Variants in KIF26A observed in about 807,000 individuals in gnomAD.
KIF26A encodes kinesin family member 26A, also known as kinesin-like protein KIF26A.
Under a neutral mutation model 126.0 loss-of-function variants are expected in KIF26A, and 74 were observed. That is an observed-to-expected ratio of 0.59 (90% CI 0.49 to 0.71). The LOEUF is 0.71. KIF26A is among the 30% of genes least tolerant of loss of function. The pLI, the probability that KIF26A is intolerant of heterozygous loss-of-function variation, is 0.00. For missense variants in KIF26A, 2,984 were observed against 2,763.3 expected, an observed-to-expected ratio of 1.08 and a Z score of -1.79; for synonymous variants, 1,445 against 1,232.7, an observed-to-expected ratio of 1.17 and a Z score of -3.61.
chr14:104,158,106 G>C (rs2037800151), intron 4 of KIF26A, among the ~76,000 whole-genome samples, 164 bp downstream of exon 4: 1 of 152,226 alleles, frequency 6.6e-6, no homozygotes, highest in East Asian at 1.9e-4. Context: ...GCCGCTCACA[G>C]CCTGCCGGCC....
intron 2 of KIF26A, among the ~76,000 whole-genome samples, chr14:104,150,201 C>CCTCCT (rs1260716438): frequency 1.3e-3 from 154 of 116,182 alleles, no homozygotes; most frequent in Non-Finnish European, 2.0e-3. Context: ...TCCCCCTCCC[C>CCTCCT]CACCCCCTCC....
At chr14:104,169,319 G>C (rs112603549) in intron 5 of KIF26A, among the ~76,000 whole-genome samples, 6,552 of 152,336 alleles carry the variant, frequency 0.043, 183 homozygotes, top group Non-Finnish European at 0.063. Context: ...AGTTGGGGCG[G>C]GGGGCAGAGG....
In KIF26A at chr14:104,152,135, C is replaced by T. The variant is rs747991972; in HGVS notation, c.409C>T (p.Arg137Trp). 68 of 1,611,592 alleles carry T rather than the reference C, an allele frequency of 4.2e-5. No individual in the cohort carries two copies. Among genetic ancestry groups the T allele is most frequent in the South Asian group, 3.5e-4 (32 of 90,992 alleles). ...VCATHLQQLT[R>W]EAMHLLQAPA... ...CGCCACACACCTGCAGCAGCTCACA[C>T]GGGAGGCCATGCACCTGCTGCAGGC... The change falls in exon 3 of 15, where the codon CGG becomes TGG. Residue 137 changes from arginine to tryptophan, a missense_variant. Arg to Trp is a moderately radical substitution (Grantham distance 101). Coordinates refer to ENST00000423312, the MANE Select transcript of KIF26A (RefSeq NM_015656.2). This position sits in a 1 kb window ranked among gnomAD's most constrained non-coding sequence, Gnocchi z 5.9.
In KIF26A at chr14:104,176,145, C is replaced by G. The variant is rs546337927; in HGVS notation, c.3357C>G (p.Val1119=). 2 of 1,585,386 alleles carry G rather than the reference C, an allele frequency of 1.3e-6. No homozygotes were observed. Among genetic ancestry groups the G allele is most frequent in the East Asian group, 2.3e-5 (1 of 43,216 alleles). The change falls in exon 12 of 15, where the codon GTC becomes GTG. Residue 1119 remains valine (V), a synonymous_variant. Coordinates refer to ENST00000423312, the MANE Select transcript of KIF26A (RefSeq NM_015656.2). ...SISSWLSEVS[V]CTADSRDPTP... ...GCTCCTGGCTCAGCGAGGTCAGCGT[C>G]TGCACTGCCGACAGCCGTGACCCCA...
chr14:104,179,937 G>A lies in KIF26A; in HGVS notation c.*147G>A. 1.1e-6 allele frequency: 1 copy of A among 881,378 alleles called. No homozygotes were observed. Among genetic ancestry groups the A allele is most frequent in the Non-Finnish European group, 1.7e-6 (1 of 606,026 alleles). 54.6% of individuals were successfully genotyped at this position (881,378 alleles called of 1,614,324 possible). On this transcript the variant is annotated 3_prime_UTR_variant, in exon 15 of 15. Coordinates refer to ENST00000423312, the MANE Select transcript of KIF26A (RefSeq NM_015656.2). ...AGTCTCAGAGAGGAGACGGAGTGTG[G>A]GGGAGGGAGGGCCGGCCACGCGGTG...
In KIF26A at chr14:104,177,556, A is replaced by G; in HGVS notation, c.4768A>G (p.Ser1590Gly). 1 of 1,537,508 alleles carries G rather than the reference A, an allele frequency of 6.5e-7. No individual in the cohort carries two copies. Among genetic ancestry groups the G allele is most frequent in the South Asian group, 1.2e-5 (1 of 84,040 alleles). Residue 1590 changes from serine (S) to glycine (G), a missense_variant, in exon 12 of 15, where the codon AGC (serine) becomes GGC (glycine). Transcript: ENST00000423312. ...CTCGTGGGGCTCGGCGGACTCAGAC[A>G]GCGGCCATGACAGCGGCGTGAACGT... The part of the protein sequence containing the change: ...GSSWGSADSD[S>G]GHDSGVNVGE...
Position 104,162,074 on chromosome 14 carries a change from G to A in KIF26A, c.923+4132G>A, listed in dbSNP as rs569610574. On this transcript the variant is annotated intron_variant, in intron 4 of 14. Transcript: ENST00000423312. ...ATGGGGGCTGCTGTGTCTGATGGTC[G>A]TTTCCATGGGGGCCTGAATTTCATC... 1.1e-3 allele frequency among the ~76,000 whole-genome samples: 160 copies of A among 152,354 alleles called. 1 individual carries two copies. Among genetic ancestry groups the A allele is most frequent in the African/African-American group, 3.7e-3 (155 of 41,576 alleles).
intron 7 of KIF26A, 55 bp from the exon 8 acceptor site, chr14:104,172,922 C>A: frequency 6.6e-7 from 1 of 1,504,474 alleles, no homozygotes; most frequent in South Asian, 1.3e-5. Flanking sequence ...CGCCAGTAGC[C>A]ATAAAGGCTC....
chr14:104,157,855 G>C lies in KIF26A; in HGVS notation c.836G>C (p.Gly279Ala). The C allele has an allele frequency of 6.2e-7, 1 of 1,608,342 alleles. No homozygotes were observed. The highest frequency in any genetic ancestry group is 2.2e-5 in the East Asian group (1 of 44,648). Reference sequence around the variant, plus strand: ...TTGTCGAAGGCCTGGGGCCGTGGTGGAGTCTGCACGTCAGCCCTGGTCACC... The same window carrying C: ...TTGTCGAAGGCCTGGGGCCGTGGTGCAGTCTGCACGTCAGCCCTGGTCACC... ...DGLSKAWGRG[G>A]VCTSALVTPT... Residue 279 changes from glycine (G) to alanine (A), a missense_variant, in exon 4 of 15, where the codon GGA becomes GCA. Gly to Ala is a moderately conservative substitution (Grantham distance 60). Coordinates refer to ENST00000423312, the MANE Select transcript of KIF26A (RefSeq NM_015656.2).
Position 104,142,596 on chromosome 14 carries a change from C to T in KIF26A, c.288+3308C>T, listed in dbSNP as rs189741571. 5.9e-5 allele frequency among the ~76,000 whole-genome samples: 9 copies of T among 152,320 alleles called. No individual in the cohort carries two copies. The East Asian group carries it at 1.7e-3, about 29-fold the overall frequency. The stretch of plus-strand genomic sequence containing the variant: ...GGGGCCCCTTCTCAGGTGCCCCCAA[C>T]TCTGAGATGTCCCTGTGGGAGGTTG... On this transcript the variant is annotated intron_variant, in intron 2 of 14. Coordinates refer to ENST00000423312, the MANE Select transcript of KIF26A (RefSeq NM_015656.2).
rs2037730989 is a variant in KIF26A, at chr14:104,151,700, G to A, written c.289-315G>A. ...GTCTCCTGCGTGTCCCCGGCCAGGC[G>A]GCCTTAGCTGACAGTGGTCCGGTTG... On this transcript the variant is annotated intron_variant, in intron 2 of 14. Transcript: ENST00000423312. This position sits in a 1 kb window ranked among gnomAD's most constrained non-coding sequence, Gnocchi z 4.9. Among the ~76,000 whole-genome samples the A allele has an allele frequency of 6.6e-6, 1 of 152,166 alleles. No individual in the cohort carries two copies. Among genetic ancestry groups the A allele is most frequent in the Admixed American group, 6.5e-5 (1 of 15,282 alleles).
In KIF26A at chr14:104,176,059, C is replaced by G; in HGVS notation, c.3271C>G (p.Pro1091Ala). The G allele has an allele frequency of 6.3e-7, 1 of 1,596,668 alleles. No individual in the cohort carries two copies. Among genetic ancestry groups the G allele is most frequent in the Non-Finnish European group, 8.5e-7 (1 of 1,174,912 alleles). The change falls in exon 12 of 15, where the codon CCT becomes GCT. Residue 1091 changes from proline to alanine, a missense_variant. By Grantham distance (27) the Pro-to-Ala change is conservative. Transcript: ENST00000423312. The stretch of plus-strand genomic sequence containing the variant: ...GTTTGACGCCTACACCTCTCAGGCC[C>G]CTGAGGGGGGGCCCCTGGAGGGGGC... Reference protein sequence around the residue: ...DEFDAYTSQAPEGGPLEGAAW... With the variant: ...DEFDAYTSQAAEGGPLEGAAW...
chr14:104,179,100 CT>C, intron 13 of KIF26A, 135 bp from the exon 14 acceptor site: 8 of 1,078,572 alleles, frequency 7.4e-6, no homozygotes, highest in Non-Finnish European at 8.8e-6. Flanking sequence ...GGTCCGCCCC[CT>C]GCCCGCCCTT....
rs767807303 is a variant in KIF26A at position 104,173,702 on chromosome 14, C to A, written c.1868-4C>A. ...ACCATCATTTGCTTGCCTTGTGGTT[C>A]CAGTGTCCGGAGGCCGCAGCCGCCT... On this transcript the variant is annotated splice_polypyrimidine_tract_variant and splice_region_variant and intron_variant, in intron 9 of 14. Transcript: ENST00000423312. 7 of 1,610,546 alleles carry A rather than the reference C, an allele frequency of 4.3e-6. No individual in the cohort carries two copies. The highest frequency in any genetic ancestry group is 5.9e-6 in the Non-Finnish European group (7 of 1,179,360).
At chr14:104,147,110 G>T (rs1056102371) in intron 2 of KIF26A, among the ~76,000 whole-genome samples, 1 of 152,128 alleles carries the variant, frequency 6.6e-6, no homozygotes, top group Non-Finnish European at 1.5e-5. Context: ...GAGTGTGCAG[G>T]TGACCCCCAG....
rs987623973 is a variant in KIF26A, at chr14:104,151,547, G to C, written c.289-468G>C. ...GATTTGATTTTCCACCTGCCCCACC[G>C]GGGCTGGAGACCTGAAGAGGAAGGG... is the stretch of plus-strand genomic sequence containing the variant. On this transcript the variant is annotated intron_variant, in intron 2 of 14. Coordinates refer to ENST00000423312, the MANE Select transcript of KIF26A (RefSeq NM_015656.2). This position sits in a 1 kb window ranked among gnomAD's most constrained non-coding sequence, Gnocchi z 4.9. Among the ~76,000 whole-genome samples, 1 of 152,214 alleles carries C rather than the reference G, an allele frequency of 6.6e-6. No individual in the cohort carries two copies. The highest frequency in any genetic ancestry group is 1.5e-5 in the Non-Finnish European group (1 of 68,044).
chr14:104,172,164 G>A (rs1197797556), intron 6 of KIF26A, among the ~76,000 whole-genome samples: 2 of 152,240 alleles, frequency 1.3e-5, no homozygotes, highest in African/African-American at 4.8e-5. Context: ...CACAGGGAAA[G>A]GCCTGGTTTT....
chr14:104,163,568 G>T (rs931541273), intron 4 of KIF26A, among the ~76,000 whole-genome samples: 16 of 151,438 alleles, frequency 1.1e-4, no homozygotes, highest in African/African-American at 3.4e-4. Flanking sequence ...AGGCACACAG[G>T]CCCGGGCCCC....
chr14:104,166,696 C>G (rs2037906766), intron 4 of KIF26A, among the ~76,000 whole-genome samples, 163 bp from the exon 5 acceptor site: 1 of 152,148 alleles, frequency 6.6e-6, no homozygotes, highest in Non-Finnish European at 1.5e-5. Context: ...GAACCGTCCA[C>G]TGTAGAAATG....
Sources: gnomAD v4.1 joint callset for allele counts (sites outside exome capture counted in the v4.1 genomes callset) on GRCh38, gnomAD v4.1.1 for gene constraint, Gnocchi (gnomAD v3.1) non-coding constraint, MANE v1.5 for transcripts, NCBI Gene and HGNC (gene_info 2026-07-23, HGNC 2026-07-21) for gene names.